ATRNL1: variants seen among roughly 807,000 people sequenced by gnomAD.
The protein encoded by ATRNL1 is attractin-like protein 1.
A neutral mutation model predicts 182.7 loss-of-function variants in ATRNL1; 95 were observed. The ratio of observed to expected loss-of-function variants is 0.52; its 90% CI spans 0.44 to 0.62. ATRNL1 has a LOEUF of 0.62. Ranked by LOEUF, ATRNL1 falls within the 20% of genes least tolerant of loss-of-function variation. The pLI is 0.00. For synonymous variants in ATRNL1, 576 were observed against 568.3 expected, an observed-to-expected ratio of 1.01 and a Z score of -0.19; for missense variants, 1,471 against 1,679.5, an observed-to-expected ratio of 0.88 and a Z score of 2.17.
chr10:115,519,554 G>A (rs1554984709), intron 25 of ATRNL1, among the ~76,000 whole-genome samples: 1 of 152,056 alleles, frequency 6.6e-6, no homozygotes, highest in South Asian at 2.1e-4. Context: ...TGGATTCAGT[G>A]GAAAGAGGAT....
At position 115,142,278 on chromosome 10, in the gene ATRNL1, A is replaced by G. The variant is rs1048294891; in HGVS notation, c.829+12743A>G. 3.7e-4 allele frequency among the ~76,000 whole-genome samples: 57 copies of G among 152,328 alleles called. 1 individual carries two copies. Among genetic ancestry groups the G allele is most frequent in the Admixed American group, 1.4e-3 (21 of 15,300 alleles). Reference sequence around the variant, plus strand: ...GACTTTAAGCAAGCAAGAGAGTTCAACCATATAGATATCTAGGGGAAGAAC... The same window carrying G: ...GACTTTAAGCAAGCAAGAGAGTTCAGCCATATAGATATCTAGGGGAAGAAC... On this transcript the variant is annotated intron_variant, in intron 5 of 28. Coordinates refer to ENST00000355044, the MANE Select transcript of ATRNL1 (RefSeq NM_207303.4).
chr10:115,360,085 T>C (rs1169171457), intron 19 of ATRNL1, among the ~76,000 whole-genome samples: 11 of 151,612 alleles, frequency 7.3e-5, no homozygotes, highest in African/African-American at 2.7e-4. Flanking sequence ...TAAGCACTAG[T>C]GTTTTCTTGA....
intron 6 of ATRNL1, among the ~76,000 whole-genome samples, chr10:115,160,799 A>C (rs1846748182): frequency 6.6e-6 from 1 of 151,936 alleles, no homozygotes; most frequent in Non-Finnish European, 1.5e-5. Flanking sequence ...TAGTAACAAT[A>C]CAAAAGGAAA....
chr10:115,110,101 A>G (rs1362906905), intron 1 of ATRNL1, among the ~76,000 whole-genome samples: 1 of 152,214 alleles, frequency 6.6e-6, no homozygotes, highest in Non-Finnish European at 1.5e-5. Flanking sequence ...GTATTTTACC[A>G]TCCTGAGTTA....
In ATRNL1 at chr10:115,948,199, T is replaced by A. The variant is rs1953918095; in HGVS notation, c.*3420T>A. 1 of 151,982 alleles carries A rather than the reference T, an allele frequency of 6.6e-6. No homozygotes were observed. The highest frequency in any genetic ancestry group is 2.4e-5 in the African/African-American group (1 of 41,370). 9.4% of individuals were successfully genotyped at this position (151,982 alleles called of 1,614,324 possible). On this transcript the variant is annotated 3_prime_UTR_variant, in exon 29 of 29. Transcript: ENST00000355044. ...TCTTAAATCTATAGTTTTAGGAGAGTTTTTCTTAAAATTACTGACTGATGA... is the reference window on the plus strand; with the variant it reads ...TCTTAAATCTATAGTTTTAGGAGAGATTTTCTTAAAATTACTGACTGATGA...
intron 10 of ATRNL1, among the ~76,000 whole-genome samples, chr10:115,243,872 G>A (rs1166337730): frequency 2.0e-5 from 3 of 151,952 alleles, no homozygotes; most frequent in Non-Finnish European, 4.4e-5. Flanking sequence ...AAAACTGTTC[G>A]GCTTTATCTC....
At chr10:115,210,101 C>A (rs1848962794) in intron 8 of ATRNL1, among the ~76,000 whole-genome samples, 1 of 151,824 alleles carries the variant, frequency 6.6e-6, no homozygotes, top group African/African-American at 2.4e-5. Context: ...ATGAATTATG[C>A]CGATTACTGG....
At chr10:115,802,100 A>G (rs1949811972) in intron 27 of ATRNL1, among the ~76,000 whole-genome samples, 2 of 146,184 alleles carry the variant, frequency 1.4e-5, no homozygotes, top group Non-Finnish European at 3.0e-5. Flanking sequence ...ACACACACAC[A>G]CCTAAATTCT....
At chr10:115,321,235 G>A (rs1460588883) in intron 18 of ATRNL1, among the ~76,000 whole-genome samples, 1 of 152,084 alleles carries the variant, frequency 6.6e-6, no homozygotes, top group Non-Finnish European at 1.5e-5. Context: ...ATCACTCAAG[G>A]AGACTGGAGA....
chr10:115,394,092 T>C (rs1194966462), intron 19 of ATRNL1, among the ~76,000 whole-genome samples: 1 of 152,052 alleles, frequency 6.6e-6, no homozygotes, highest in Admixed American at 6.6e-5. Context: ...TTTTTATTAT[T>C]CTTACCAGTA....
At chr10:115,417,820 G>C (rs75554990) in intron 20 of ATRNL1, among the ~76,000 whole-genome samples, 1 of 152,206 alleles carries the variant, frequency 6.6e-6, no homozygotes, top group Non-Finnish European at 1.5e-5. Flanking sequence ...GAGCCCTCCT[G>C]AGACTTGTGG....
chr10:115,419,178 T>A (rs1845541306), intron 20 of ATRNL1, among the ~76,000 whole-genome samples: 1 of 152,204 alleles, frequency 6.6e-6, no homozygotes, highest in Non-Finnish European at 1.5e-5. Flanking sequence ...GTTTTCTTCT[T>A]TCCTTTGCGA....
At chr10:115,297,907 C>T (rs1853285535) in intron 15 of ATRNL1, among the ~76,000 whole-genome samples, 1 of 151,912 alleles carries the variant, frequency 6.6e-6, no homozygotes, top group South Asian at 2.1e-4. Flanking sequence ...ACTTTTTCTT[C>T]CCTATTATAA....
chr10:115,809,961 A>G (rs1950011052), intron 27 of ATRNL1, among the ~76,000 whole-genome samples: 1 of 151,786 alleles, frequency 6.6e-6, no homozygotes, highest in Admixed American at 6.6e-5. Flanking sequence ...AGTTTAGGAA[A>G]TTTTCTATTC....
At chr10:115,549,362 T>TTA (rs1209457917) in intron 25 of ATRNL1, 96 bp from the exon 26 acceptor site, 28 of 673,062 alleles carry the variant, frequency 4.2e-5, no homozygotes, top group Middle Eastern at 4.3e-4. Context: ...AAGTTATTAC[T>TTA]TATATATATA....
At chr10:115,698,313 GA>G (rs1946626227) in intron 26 of ATRNL1, among the ~76,000 whole-genome samples, 1 of 152,120 alleles carries the variant, frequency 6.6e-6, no homozygotes, top group Admixed American at 6.5e-5. Flanking sequence ...ATATCCACAT[GA>G]TTTTTGTGAA....
chr10:115,713,705 CATCTATCT>C (rs1555055341), intron 26 of ATRNL1, among the ~76,000 whole-genome samples: 47 of 101,298 alleles, frequency 4.6e-4, no homozygotes, highest in African/African-American at 1.4e-3. Flanking sequence ...ATCTATCTAT[CATCTATCT>C]ATCTATCTAT....
intron 14 of ATRNL1, among the ~76,000 whole-genome samples, chr10:115,285,492 TATTA>T (rs1207924651): frequency 6.6e-6 from 1 of 152,110 alleles, no homozygotes; most frequent in African/African-American, 2.4e-5. Context: ...GAAACACTAT[TATTA>T]ATTAGTGCAC....
chr10:115,516,272 A>T (rs1473095196), intron 24 of ATRNL1, among the ~76,000 whole-genome samples: 1 of 151,814 alleles, frequency 6.6e-6, no homozygotes, highest in Admixed American at 6.6e-5. Flanking sequence ...TGTGAGAGCA[A>T]ACTACAATAG....
Sources: allele counts gnomAD v4.1 joint callset (sites outside exome capture counted in the v4.1 genomes callset), GRCh38; gene constraint gnomAD v4.1.1; transcripts MANE v1.5; gene names NCBI Gene and HGNC (gene_info 2026-07-23, HGNC 2026-07-21).